Variants in CSMD1 observed in about 807,000 individuals in gnomAD.
The protein encoded by CSMD1 is CUB and sushi domain-containing protein 1.
In CSMD1, 213 loss-of-function variants were observed where a neutral mutation model predicts 417.5. The ratio of observed to expected loss-of-function variants is 0.51; its 90% CI spans 0.46 to 0.57. The LOEUF (loss-of-function observed/expected upper bound fraction) is 0.57, where lower values mean the gene tolerates loss of function less well. CSMD1 is among the 20% of genes least tolerant of loss of function. CSMD1 has a pLI of 0.00. For missense variants in CSMD1, 6,923 were observed against 4,529.7 expected (o/e 1.53, Z -15.17); for synonymous variants, 2,862 against 1,736.8 (o/e 1.65, Z -16.11).
rs1169603097 is a variant in CSMD1, at chr8:3,712,390, GAGAGAGAGAGACAGACAGAC to G, written c.932-3919_932-3900del. ...CAAAGAAACAGGAGAGAGAGAGAGA[GAGAGAGAGAGACAGACAGAC>G]AGACAGACAGACAGACAGACAGACA... On this transcript the variant is annotated intron_variant, in intron 6 of 69. Coordinates refer to ENST00000635120, the MANE Select transcript of CSMD1 (RefSeq NM_033225.6). Among the ~76,000 whole-genome samples, 33 of 44,610 alleles carry G rather than the reference GAGAGAGAGAGACAGACAGAC, an allele frequency of 7.4e-4. 1 individual carries two copies. The highest frequency in any genetic ancestry group is 0.028 in the Middle Eastern group (2 of 72). The allele number at this position is 44,610 out of a possible 152,430, so 29.3% of individuals were successfully genotyped here.
intron 1 of CSMD1, among the ~76,000 whole-genome samples, chr8:4,835,905 A>T (rs150001700): frequency 6.6e-6 from 1 of 152,054 alleles, no homozygotes; most frequent in East Asian, 1.9e-4. Context: ...TCTTTTTGGA[A>T]ATGTAAGTAC....
At chr8:3,737,609 C>T (rs983231531) in intron 6 of CSMD1, among the ~76,000 whole-genome samples, 1 of 152,152 alleles carries the variant, frequency 6.6e-6, no homozygotes, top group African/African-American at 2.4e-5. Context: ...AGAGATCACC[C>T]TCTCAGTTAC....
intron 5 of CSMD1, among the ~76,000 whole-genome samples, chr8:3,804,901 G>T (rs1263238381): frequency 6.6e-6 from 1 of 152,148 alleles, no homozygotes; most frequent in Admixed American, 6.5e-5. Flanking sequence ...AGTGAAAAAT[G>T]ACTACTTTAG....
At chr8:3,589,187 T>C (rs1056338660) in intron 8 of CSMD1, among the ~76,000 whole-genome samples, 3 of 152,144 alleles carry the variant, frequency 2.0e-5, no homozygotes, top group African/African-American at 7.2e-5. Context: ...TAGGGGTTGC[T>C]GAAAAAATTA....
intron 1 of CSMD1, among the ~76,000 whole-genome samples, chr8:4,772,275 A>G (rs12678308): frequency 6.6e-6 from 1 of 151,916 alleles, no homozygotes; most frequent in Non-Finnish European, 1.5e-5. Flanking sequence ...GCAACAGTGA[A>G]CCAGTCCTTT....
chr8:3,960,091 G>C (rs1390303842), intron 5 of CSMD1, among the ~76,000 whole-genome samples: 1 of 152,158 alleles, frequency 6.6e-6, no homozygotes, highest in Admixed American at 6.5e-5. Context: ...CAACAGTGCT[G>C]GAGCTAAGTG....
rs75116014 is a variant in CSMD1 at position 3,561,644 on chromosome 8, T to C, written c.1344+13301A>G. ...GAAAGTGAGGAGAGAGGCAGGAGAG[T>C]AAAGCTTAAGAATTGCACATTGGGT... On this transcript the variant is annotated intron_variant, in intron 10 of 69. Coordinates refer to ENST00000635120, the MANE Select transcript of CSMD1 (RefSeq NM_033225.6). 9.4e-3 allele frequency among the ~76,000 whole-genome samples: 1,429 copies of C among 151,636 alleles called. 30 individuals are homozygous for C. The highest frequency in any genetic ancestry group is 0.034 in the East Asian group (176 of 5,140).
chr8:3,107,707 G>T lies in CSMD1; in HGVS notation c.6835+11C>A. 6.7e-7 allele frequency: 1 copy of T among 1,503,648 alleles called. No homozygotes were observed. The highest frequency in any genetic ancestry group is 9.2e-7 in the Non-Finnish European group (1 of 1,089,716). 93.1% of individuals were successfully genotyped at this position (1,503,648 alleles called of 1,614,324 possible). ...GCTGAATTCATGGTATTGTAATGAAGAAAGTATTACCTATTTCGAAATCAT... is the reference window on the plus strand; with the variant it reads ...GCTGAATTCATGGTATTGTAATGAATAAAGTATTACCTATTTCGAAATCAT... On this transcript the variant is annotated intron_variant, in intron 45 of 69. Coordinates refer to ENST00000635120, the MANE Select transcript of CSMD1 (RefSeq NM_033225.6).
intron 3 of CSMD1, among the ~76,000 whole-genome samples, chr8:4,149,433 T>C (rs776104118): frequency 1.3e-5 from 2 of 152,178 alleles, no homozygotes; most frequent in Non-Finnish European, 2.9e-5. Flanking sequence ...TGAACGGTAT[T>C]TCTACATAAG....
intron 25 of CSMD1, among the ~76,000 whole-genome samples, chr8:3,301,334 G>C (rs1804391088): frequency 6.6e-6 from 1 of 152,044 alleles, no homozygotes; most frequent in Non-Finnish European, 1.5e-5. Flanking sequence ...GAGTTTGGGA[G>C]GCTTCAGATG....
Position 3,118,546 on chromosome 8 carries a change from T to A in CSMD1, c.6283A>T (p.Asn2095Tyr). Residue 2095 changes from asparagine (N) to tyrosine (Y), a missense_variant, in exon 42 of 70, where the codon AAT becomes TAT. Physicochemically the swap from Asn to Tyr is moderately radical, Grantham distance 143 (BLOSUM62 -2). Transcript: ENST00000635120. The stretch of plus-strand genomic sequence containing the variant: ...TAATCCGAGTTGATCATGTACCCAT[T>A]CTGAAATGGGGGTGGATCTGGACAG... The part of the protein sequence containing the change: ...QNCPDPPPFQ[N>Y]GYMINSDYSV... 6.2e-7 allele frequency: 1 copy of A among 1,613,962 alleles called. No homozygotes were observed. Among genetic ancestry groups the A allele is most frequent in the Non-Finnish European group, 8.5e-7 (1 of 1,179,854 alleles).
At chr8:3,516,513 C>T (rs1415680984) in intron 10 of CSMD1, among the ~76,000 whole-genome samples, 1 of 152,192 alleles carries the variant, frequency 6.6e-6, no homozygotes, top group Non-Finnish European at 1.5e-5. Context: ...CTACTCCTCT[C>T]ATTACACCTT....
At position 4,589,560 on chromosome 8, in the gene CSMD1, G is replaced by A. The variant is rs184027281; in HGVS notation, c.302+47782C>T. ...AGGAAGTGCATAATATGTTAATGTC[G>A]ACTCTATAATATGGGACTTGCTTGC... On this transcript the variant is annotated intron_variant, in intron 2 of 69. Transcript: ENST00000635120. Among the ~76,000 whole-genome samples the A allele has an allele frequency of 3.5e-3, 534 of 152,234 alleles. 6 individuals are homozygous for A. The highest frequency in any genetic ancestry group is 0.012 in the African/African-American group (484 of 41,556).
chr8:3,288,992 A>G (rs1430838487), intron 25 of CSMD1, among the ~76,000 whole-genome samples: 1 of 141,792 alleles, frequency 7.1e-6, no homozygotes, highest in Non-Finnish European at 1.5e-5. Flanking sequence ...CTACCCCACA[A>G]CAGTCCCCGG....
chr8:4,259,626 G>A (rs111734753), intron 3 of CSMD1, among the ~76,000 whole-genome samples: 8 of 151,618 alleles, frequency 5.3e-5, no homozygotes, highest in Admixed American at 1.3e-4. Context: ...AAATATAGTC[G>A]GAGTCCTTAC....
At chr8:4,236,582 T>G (rs1163658558) in intron 3 of CSMD1, among the ~76,000 whole-genome samples, 2 of 152,194 alleles carry the variant, frequency 1.3e-5, no homozygotes, top group African/African-American at 2.4e-5. Flanking sequence ...CAATACTAAA[T>G]GAGCTGACAA....
intron 1 of CSMD1, among the ~76,000 whole-genome samples, chr8:4,937,324 C>T (rs1807687738): frequency 6.6e-6 from 1 of 152,136 alleles, no homozygotes; most frequent in African/African-American, 2.4e-5. Flanking sequence ...AGTTACTTTC[C>T]ACTGTTTGTT....
intron 7 of CSMD1, among the ~76,000 whole-genome samples, chr8:3,623,279 G>C (rs912658849): frequency 6.6e-6 from 1 of 152,184 alleles, no homozygotes; most frequent in Non-Finnish European, 1.5e-5. Context: ...GGGCAGTAAA[G>C]AAAATTCTTC....
chr8:4,048,380 C>A (rs1281837650), intron 3 of CSMD1, among the ~76,000 whole-genome samples: 3 of 152,180 alleles, frequency 2.0e-5, no homozygotes, highest in African/African-American at 7.2e-5. Context: ...CTAACACAGA[C>A]AATGCTTCCT....
Sources: gnomAD v4.1 joint callset for allele counts (sites outside exome capture counted in the v4.1 genomes callset) on GRCh38, gnomAD v4.1.1 for gene constraint, MANE v1.5 for transcripts, NCBI Gene and HGNC (gene_info 2026-07-23, HGNC 2026-07-21) for gene names.